FLT1: variants seen among roughly 807,000 people sequenced by gnomAD.
The protein encoded by FLT1 is vascular endothelial growth factor receptor 1.
In FLT1, 49 loss-of-function variants were observed where a neutral mutation model predicts 156.3. The observed-to-expected ratio is 0.31, with a 90% CI of 0.25 to 0.40. The LOEUF (loss-of-function observed/expected upper bound fraction) is 0.40, where lower values mean the gene tolerates loss of function less well. Ranked by LOEUF, FLT1 falls within the 10% of genes least tolerant of loss-of-function variation. The probability of loss-of-function intolerance (pLI) is 1.00; values close to 1 mark genes in which losing one functional copy is unlikely to be tolerated. For synonymous variants in FLT1, 594 were observed against 583.8 expected, an observed-to-expected ratio of 1.02 and a Z score of -0.25; for missense variants, 1,322 against 1,637.2, an observed-to-expected ratio of 0.81 and a Z score of 3.32.
At chr13:28,327,279 T>A (rs1395803021) in intron 20 of FLT1, among the ~76,000 whole-genome samples, 183 bp downstream of exon 20, 3 of 152,238 alleles carry the variant, frequency 2.0e-5, no homozygotes, top group Non-Finnish European at 2.9e-5. Context: ...TTCTCTGTGC[T>A]ATCCACACTA....
At chr13:28,452,243 C>T (rs577477583) in intron 3 of FLT1, among the ~76,000 whole-genome samples, 15 of 152,102 alleles carry the variant, frequency 9.9e-5, no homozygotes, top group African/African-American at 3.1e-4. Flanking sequence ...TTAGAAAGAC[C>T]GGGGGCTTTG....
At chr13:28,310,486 C>T (rs1457657559) in intron 27 of FLT1, among the ~76,000 whole-genome samples, 2 of 152,180 alleles carry the variant, frequency 1.3e-5, no homozygotes, top group African/African-American at 4.8e-5. Context: ...CCCAAGACTG[C>T]TCTGGGCGTA....
chr13:28,399,828 G>A (rs535911953), intron 11 of FLT1, among the ~76,000 whole-genome samples: 9 of 152,276 alleles, frequency 5.9e-5, no homozygotes, highest in Admixed American at 1.3e-4. Flanking sequence ...AACGTTGATG[G>A]GAGTTTACAT....
intron 8 of FLT1, among the ~76,000 whole-genome samples, chr13:28,429,776 A>G (rs892497167): frequency 2.0e-5 from 3 of 152,162 alleles, no homozygotes; most frequent in African/African-American, 7.2e-5. Flanking sequence ...ACATCATAGG[A>G]AGGTTTAGAG....
intron 6 of FLT1, among the ~76,000 whole-genome samples, chr13:28,433,242 A>G (rs1411082475): frequency 1.3e-5 from 2 of 152,246 alleles, no homozygotes; most frequent in African/African-American, 4.8e-5. Flanking sequence ...ATTGTTTGCA[A>G]GGATGTTCGA....
chr13:28,410,263 C>A (rs9508026), intron 10 of FLT1, among the ~76,000 whole-genome samples: 1 of 152,038 alleles, frequency 6.6e-6, no homozygotes, highest in Non-Finnish European at 1.5e-5. Context: ...TAGATTGTCA[C>A]ATCTGGTGGA....
chr13:28,442,842 A>G (rs2137569851), intron 3 of FLT1, among the ~76,000 whole-genome samples: 1 of 152,256 alleles, frequency 6.6e-6, no homozygotes, highest in African/African-American at 2.4e-5. Context: ...ATACAAACAT[A>G]TTTTGTTTTG....
chr13:28,345,874 G>A, intron 15 of FLT1: 1 of 258,192 alleles, frequency 3.9e-6, no homozygotes, highest in East Asian at 8.0e-5. Flanking sequence ...ATTAAAAATG[G>A]GAAAAAATTA....
At chr13:28,387,060 G>A (rs539823924) in intron 13 of FLT1, 56 of 1,036,392 alleles carry the variant, frequency 5.4e-5, no homozygotes, top group Non-Finnish European at 6.3e-5. Context: ...CAGGTGGATT[G>A]GAAAACGGTG....
intron 18 of FLT1, among the ~76,000 whole-genome samples, chr13:28,331,363 G>A (rs767309083): frequency 6.6e-6 from 1 of 152,180 alleles, no homozygotes; most frequent in Admixed American, 6.5e-5. Flanking sequence ...TGGGTGTAAG[G>A]CCCAAAAAGA....
intron 28 of FLT1, among the ~76,000 whole-genome samples, chr13:28,307,851 A>C (rs1403744235): frequency 6.6e-6 from 1 of 151,620 alleles, no homozygotes; most frequent in Non-Finnish European, 1.5e-5. Flanking sequence ...GGCTCACTGC[A>C]ACCTCCGCCT....
intron 14 of FLT1, among the ~76,000 whole-genome samples, chr13:28,363,695 C>A (rs779521813): frequency 9.2e-5 from 14 of 152,008 alleles, no homozygotes; most frequent in African/African-American, 2.7e-4. Flanking sequence ...TTCACTGCAA[C>A]CTTTGCCTCC....
chr13:28,335,634 A>G (rs1376973050), intron 17 of FLT1, among the ~76,000 whole-genome samples: 1 of 152,174 alleles, frequency 6.6e-6, no homozygotes, highest in Non-Finnish European at 1.5e-5. Flanking sequence ...CAGTGTCATC[A>G]TTAGGGCCTC....
At chr13:28,385,062 C>A (rs200484424) in intron 13 of FLT1, 31 bp from the exon 14 acceptor site, 2 of 1,612,470 alleles carry the variant, frequency 1.2e-6, no homozygotes, top group Non-Finnish European at 1.7e-6. Context: ...GCTGTGATTA[C>A]TCGTCAACTT....
chr13:28,481,355 C>A (rs1047772634), intron 1 of FLT1, among the ~76,000 whole-genome samples: 1 of 151,838 alleles, frequency 6.6e-6, no homozygotes, highest in African/African-American at 2.4e-5. Context: ...TAGAAGATAA[C>A]CCAAATGGAA....
intron 7 of FLT1, 92 bp from the exon 8 acceptor site, chr13:28,430,259 G>A (rs1483795275): frequency 1.2e-6 from 1 of 847,602 alleles, no homozygotes; most frequent in Non-Finnish European, 2.0e-6. Context: ...TAATCAATGA[G>A]TAAATAAACA....
chr13:28,387,377 C>T, intron 13 of FLT1: 1 of 1,051,260 alleles, frequency 9.5e-7, no homozygotes, highest in Non-Finnish European at 1.1e-6. Flanking sequence ...TCTATTTTGA[C>T]ATTTTGAATA....
At chr13:28,305,948 C>T (rs1387434180) in intron 29 of FLT1, among the ~76,000 whole-genome samples, 1 of 152,110 alleles carries the variant, frequency 6.6e-6, no homozygotes, top group Admixed American at 6.5e-5. Flanking sequence ...TGGCTGCCTA[C>T]CCCGGATTTA....
intron 20 of FLT1, among the ~76,000 whole-genome samples, chr13:28,327,142 G>C (rs1005578371): frequency 6.6e-6 from 1 of 152,170 alleles, no homozygotes; most frequent in Non-Finnish European, 1.5e-5. Context: ...ATGTATGTTT[G>C]CGTGTATGTA....
Sources: allele counts gnomAD v4.1 joint callset (sites outside exome capture counted in the v4.1 genomes callset), GRCh38; gene constraint gnomAD v4.1.1; transcripts MANE v1.5; gene names NCBI Gene and HGNC (gene_info 2026-07-23, HGNC 2026-07-21).